The following MINDY4 variants were observed in gnomAD, a reference collection of about 807,000 sequenced individuals.
MINDY4 encodes MINDY lysine 48 deubiquitinase 4, also known as probable ubiquitin carboxyl-terminal hydrolase MINDY-4.
Under a neutral mutation model 87.0 loss-of-function variants are expected in MINDY4, and 68 were observed. The observed-to-expected ratio is 0.78, with a 90% CI of 0.64 to 0.96. The LOEUF is 0.96. Ranked by LOEUF, MINDY4 falls within the 40% of genes least tolerant of loss-of-function variation. The pLI is 0.00. For synonymous variants in MINDY4, 379 were observed against 363.2 expected, an observed-to-expected ratio of 1.04 and a Z score of -0.50; for missense variants, 919 against 928.2, an observed-to-expected ratio of 0.99 and a Z score of 0.13.
At chr7:30,890,852 C>T (rs1790774994) in intron 17 of MINDY4, among the ~76,000 whole-genome samples, 1 of 152,128 alleles carries the variant, frequency 6.6e-6, no homozygotes, top group African/African-American at 2.4e-5. Flanking sequence ...TCCAAGCCTT[C>T]TGTTGGAAAA....
At chr7:30,810,416 G>A (rs1276294248) in intron 5 of MINDY4, among the ~76,000 whole-genome samples, 2 of 151,010 alleles carry the variant, frequency 1.3e-5, no homozygotes, top group Admixed American at 6.6e-5. Flanking sequence ...GGATTATAAG[G>A]AGGCATAAGA....
At chr7:30,887,485 C>T (rs59089210) in intron 17 of MINDY4, among the ~76,000 whole-genome samples, 5,594 of 152,286 alleles carry the variant, frequency 0.037, 325 homozygotes, top group African/African-American at 0.13. Context: ...TCTGGGCATG[C>T]GTTGGGGAGG....
intron 14 of MINDY4, among the ~76,000 whole-genome samples, chr7:30,873,985 C>G (rs1790186439): frequency 6.6e-6 from 1 of 152,212 alleles, no homozygotes; most frequent in South Asian, 2.1e-4. Context: ...CTTTTACTGT[C>G]ACTGGGGCAG....
intron 4 of MINDY4, among the ~76,000 whole-genome samples, chr7:30,789,690 C>T (rs1787263274): frequency 6.6e-6 from 1 of 152,110 alleles, no homozygotes; most frequent in Non-Finnish European, 1.5e-5. Context: ...CAGAACACTA[C>T]AAAATTAAGG....
In MINDY4 at chr7:30,828,721, G is replaced by C; in HGVS notation, c.1116G>C (p.Leu372=). Residue 372 remains leucine, a synonymous_variant, in exon 6 of 18, where the codon CTG becomes CTC. Transcript: ENST00000265299. ...LLPSDKVDGE[L]GALRLEDVED... Reference sequence around the variant, plus strand: ...CGTCTGACAAGGTGGATGGTGAGCTGGGTGCCCTGCGGCTCGGTAGGTGCA... The same window carrying C: ...CGTCTGACAAGGTGGATGGTGAGCTCGGTGCCCTGCGGCTCGGTAGGTGCA... 1.2e-6 allele frequency: 2 copies of C among 1,613,390 alleles called. No individual in the cohort carries two copies. Among genetic ancestry groups the C allele is most frequent in the Non-Finnish European group, 1.7e-6 (2 of 1,180,032 alleles).
At chr7:30,843,157 C>T (rs1213411755) in intron 9 of MINDY4, among the ~76,000 whole-genome samples, 2 of 152,186 alleles carry the variant, frequency 1.3e-5, no homozygotes, top group Non-Finnish European at 2.9e-5. Flanking sequence ...CAGAAGAGGC[C>T]CTCAGAATTT....
intron 17 of MINDY4, among the ~76,000 whole-genome samples, chr7:30,885,107 A>C (rs1385922020): frequency 6.6e-6 from 1 of 152,252 alleles, no homozygotes; most frequent in Non-Finnish European, 1.5e-5. Flanking sequence ...TCATGCATGG[A>C]AAATAATTCT....
At chr7:30,790,688 A>G (rs955362521) in intron 4 of MINDY4, among the ~76,000 whole-genome samples, 1 of 151,950 alleles carries the variant, frequency 6.6e-6, no homozygotes, top group Non-Finnish European at 1.5e-5. Context: ...AAAGTGATAC[A>G]CCCGCCTTGG....
At chr7:30,877,422 C>G (rs1021390937) in intron 15 of MINDY4, among the ~76,000 whole-genome samples, 1 of 152,208 alleles carries the variant, frequency 6.6e-6, no homozygotes, top group Non-Finnish European at 1.5e-5. Context: ...ACCATCTCCC[C>G]TCCTCGTGGG....
At chr7:30,781,930 T>C (rs1451142942) in intron 2 of MINDY4, 47 bp from the exon 3 acceptor site, 1 of 1,345,750 alleles carries the variant, frequency 7.4e-7, no homozygotes, top group Non-Finnish European at 1.1e-6. Flanking sequence ...CACTCTTCCC[T>C]GAAGCTGTAT....
chr7:30,869,944 A>T (rs1393810893), intron 13 of MINDY4, among the ~76,000 whole-genome samples: 1 of 152,198 alleles, frequency 6.6e-6, no homozygotes, highest in Non-Finnish European at 1.5e-5. Context: ...TCAGCTCTCC[A>T]GAGAATTCCC....
chr7:30,812,106 T>C (rs1240664372), intron 5 of MINDY4, among the ~76,000 whole-genome samples: 1 of 152,128 alleles, frequency 6.6e-6, no homozygotes, highest in Non-Finnish European at 1.5e-5. Context: ...AGGATCCTGG[T>C]TTTAAAAAGT....
In MINDY4 at chr7:30,785,903, G is replaced by C. The variant is rs762119316; in HGVS notation, c.574G>C (p.Asp192His). ...IDKLHSEPSL[D>H]VKRMGENSRP... The stretch of plus-strand genomic sequence containing the variant: ...CAAGCTTCACTCGGAGCCTTCCTTG[G>C]ATGTGAAGAGGATGGGAGAGAATTC... The change falls in exon 4 of 18, where the codon GAT becomes CAT. Residue 192 changes from aspartate to histidine, a missense_variant. By Grantham distance (81) the Asp-to-His change is moderately conservative (BLOSUM62 -1). Coordinates refer to ENST00000265299, the MANE Select transcript of MINDY4 (RefSeq NM_032222.3). 3.7e-6 allele frequency: 6 copies of C among 1,614,210 alleles called. No individual in the cohort carries two copies. The East Asian group carries it at 1.3e-4, about 36-fold the overall frequency.
chr7:30,810,001 C>G (rs1442536287), intron 5 of MINDY4, among the ~76,000 whole-genome samples: 1 of 151,422 alleles, frequency 6.6e-6, no homozygotes, highest in Admixed American at 6.6e-5. Flanking sequence ...CATAGTGAAA[C>G]CCTGCCTCTA....
intron 5 of MINDY4, among the ~76,000 whole-genome samples, chr7:30,828,118 T>C (rs1242824681): frequency 6.6e-6 from 1 of 152,184 alleles, no homozygotes. Flanking sequence ...TACCTGAATT[T>C]ACAAATCAGA....
At chr7:30,865,841 C>T (rs372186543) in intron 13 of MINDY4, among the ~76,000 whole-genome samples, 1 of 152,190 alleles carries the variant, frequency 6.6e-6, no homozygotes, top group East Asian at 1.9e-4. Flanking sequence ...AATCGAAGAC[C>T]CTGTGCCTGC....
At chr7:30,827,848 T>A (rs1261434564) in intron 5 of MINDY4, among the ~76,000 whole-genome samples, 1 of 152,224 alleles carries the variant, frequency 6.6e-6, no homozygotes, top group Non-Finnish European at 1.5e-5. Flanking sequence ...CAATCATATC[T>A]TACCCTGCAA....
intron 1 of MINDY4, among the ~76,000 whole-genome samples, chr7:30,777,633 G>A (rs10230286): frequency 0.59 from 90,277 of 151,960 alleles, 27,377 homozygotes; most frequent in South Asian, 0.74. Flanking sequence ...CTCTGGGAGA[G>A]GCTGAAGCCT....
chr7:30,861,002 G>C lies in MINDY4; in HGVS notation c.1745+1678G>C, dbSNP rs189371570. Among the ~76,000 whole-genome samples, 17 of 151,242 alleles carry C rather than the reference G, an allele frequency of 1.1e-4. No individual in the cohort carries two copies. In the East Asian group the frequency reaches 2.3e-3, roughly 21 times the overall value. The stretch of plus-strand genomic sequence containing the variant: ...AGATGCACATACGTGGCCACACACA[G>C]AGACACACACACACAGACACACGAA... On this transcript the variant is annotated intron_variant, in intron 13 of 17. Coordinates refer to ENST00000265299, the MANE Select transcript of MINDY4 (RefSeq NM_032222.3).
Sources: gnomAD v4.1 joint callset for allele counts (sites outside exome capture counted in the v4.1 genomes callset) on GRCh38, gnomAD v4.1.1 for gene constraint, MANE v1.5 for transcripts, NCBI Gene and HGNC (gene_info 2026-07-23, HGNC 2026-07-21) for gene names.